Variants in MAD1L1 observed in about 807,000 individuals in gnomAD.
The protein encoded by MAD1L1 is mitotic spindle assembly checkpoint protein MAD1.
A neutral mutation model predicts 96.9 loss-of-function variants in MAD1L1; 95 were observed. The ratio of observed to expected loss-of-function variants is 0.98; its 90% CI spans 0.83 to 1.16. The LOEUF (loss-of-function observed/expected upper bound fraction) is 1.16. MAD1L1 is among the 50% of genes most tolerant of loss of function. MAD1L1 has a pLI of 0.00. For synonymous variants in MAD1L1, 473 were observed against 396.6 expected, an observed-to-expected ratio of 1.19 and a Z score of -2.29; for missense variants, 1,007 against 954.4, an observed-to-expected ratio of 1.06 and a Z score of -0.73.
chr7:2,129,874 T>A (rs1001321613), intron 11 of MAD1L1, among the ~76,000 whole-genome samples: 2 of 152,202 alleles, frequency 1.3e-5, no homozygotes, highest in Non-Finnish European at 2.9e-5. Context: ...GGCAGGCAGC[T>A]GGGTCAGCAG....
At chr7:2,137,156 A>T (rs1788792382) in intron 11 of MAD1L1, among the ~76,000 whole-genome samples, 1 of 152,208 alleles carries the variant, frequency 6.6e-6, no homozygotes, top group Admixed American at 6.5e-5. Flanking sequence ...ACAGAAGTTC[A>T]GGGCACCAAA....
chr7:2,143,795 G>T (rs1265352582), intron 11 of MAD1L1, among the ~76,000 whole-genome samples: 3 of 152,132 alleles, frequency 2.0e-5, no homozygotes, highest in Non-Finnish European at 2.9e-5. Context: ...TCACAGCCCA[G>T]GCTGGAATGC....
intron 16 of MAD1L1, among the ~76,000 whole-genome samples, chr7:1,942,853 G>C (rs746906669): frequency 1.2e-4 from 19 of 152,130 alleles, no homozygotes; most frequent in Non-Finnish European, 2.4e-4. Flanking sequence ...GAACACGGGA[G>C]GAAGACTCAG....
chr7:2,133,945 C>A (rs766354146), intron 11 of MAD1L1, among the ~76,000 whole-genome samples: 2 of 152,194 alleles, frequency 1.3e-5, no homozygotes, highest in African/African-American at 2.4e-5. Flanking sequence ...TGTGGTTTTA[C>A]GCTAAGTCTT....
chr7:1,881,705 A>G (rs1367284185), intron 18 of MAD1L1, among the ~76,000 whole-genome samples: 1 of 152,222 alleles, frequency 6.6e-6, no homozygotes, highest in Non-Finnish European at 1.5e-5. Flanking sequence ...CAGGAAACAA[A>G]ACGATCTGTC....
intron 12 of MAD1L1, among the ~76,000 whole-genome samples, chr7:2,058,797 C>T (rs576990847): frequency 1.0e-5 from 1 of 97,466 alleles, no homozygotes; most frequent in Admixed American, 1.1e-4. Context: ...AGAGGAGAGG[C>T]GCGGGGCTGG....
intron 18 of MAD1L1, among the ~76,000 whole-genome samples, chr7:1,822,416 G>A: frequency 7.0e-6 from 1 of 141,868 alleles, no homozygotes; most frequent in Non-Finnish European, 1.5e-5. Flanking sequence ...GGTAATTGCT[G>A]TCCAAACCTC....
intron 18 of MAD1L1, among the ~76,000 whole-genome samples, chr7:1,896,957 C>T (rs753560356): frequency 1.3e-5 from 2 of 152,302 alleles, no homozygotes; most frequent in African/African-American, 2.4e-5. Flanking sequence ...TATACAAAAG[C>T]GAAGAAGTAC....
At chr7:1,940,964 G>GCATGCCTCACCCTCCTCTTCCTCTCC (rs1778941465) in intron 16 of MAD1L1, among the ~76,000 whole-genome samples, 2 of 64,324 alleles carry the variant, frequency 3.1e-5, no homozygotes, top group African/African-American at 6.0e-5. Context: ...TCCTCCCCCC[G>GCATGCCTCACCCTCCTCTTCCTCTCC]CAGGCCTCAC....
chr7:2,180,954 C>T lies in MAD1L1; in HGVS notation c.987-31716G>A, dbSNP rs756995576. On this transcript the variant is annotated intron_variant, in intron 10 of 18. Coordinates refer to ENST00000265854, the MANE Select transcript of MAD1L1 (RefSeq NM_001013836.2). ...ATGCTGAACAGAAGTGGAGAAAGCA[C>T]GTATCCTGTCTTCATTTTTCTTCTC... Among the ~76,000 whole-genome samples the T allele has an allele frequency of 3.3e-5, 5 of 152,160 alleles. No individual in the cohort carries two copies. In the East Asian group the frequency reaches 5.8e-4, roughly 18 times the overall value.
At chr7:2,168,428 G>A (rs1213794944) in intron 10 of MAD1L1, among the ~76,000 whole-genome samples, 2 of 152,230 alleles carry the variant, frequency 1.3e-5, no homozygotes, top group Non-Finnish European at 2.9e-5. Context: ...CTTTGAACTT[G>A]CTGAGCAATA....
intron 15 of MAD1L1, among the ~76,000 whole-genome samples, chr7:1,971,493 TTATAA>T (rs1780404486): frequency 6.6e-6 from 1 of 152,180 alleles, no homozygotes; most frequent in South Asian, 2.1e-4. Context: ...AGTGTTTATG[TTATAA>T]TATATAGTGG....
At chr7:2,112,567 C>T (rs1204962246) in intron 11 of MAD1L1, among the ~76,000 whole-genome samples, 2 of 152,230 alleles carry the variant, frequency 1.3e-5, no homozygotes, top group East Asian at 1.9e-4. Flanking sequence ...CACGTGAGGA[C>T]TGGATGGGTA....
chr7:1,977,425 G>A (rs1780697043), intron 15 of MAD1L1, among the ~76,000 whole-genome samples: 1 of 152,206 alleles, frequency 6.6e-6, no homozygotes. Context: ...GGCCCGCCAA[G>A]CCCACGCCCA....
intron 17 of MAD1L1, among the ~76,000 whole-genome samples, chr7:1,920,903 C>T (rs1273576323): frequency 6.7e-6 from 1 of 148,390 alleles, no homozygotes; most frequent in Non-Finnish European, 1.5e-5. Context: ...AAAAGATTCA[C>T]GGGACATCCG....
chr7:2,189,414 G>A (rs912594110), intron 10 of MAD1L1, among the ~76,000 whole-genome samples: 1 of 152,212 alleles, frequency 6.6e-6, no homozygotes, highest in Admixed American at 6.5e-5. Flanking sequence ...CAGGTGACTG[G>A]ATAAGAAGAA....
intron 18 of MAD1L1, among the ~76,000 whole-genome samples, chr7:1,873,768 A>AGC (rs113161881): frequency 0.024 from 3,602 of 152,216 alleles, 57 homozygotes; most frequent in East Asian, 0.084. Flanking sequence ...CCGAAGCCCA[A>AGC]GCTGGCCCTG....
At chr7:1,995,238 C>T (rs1002251798) in intron 14 of MAD1L1, among the ~76,000 whole-genome samples, 2 of 152,204 alleles carry the variant, frequency 1.3e-5, no homozygotes, top group African/African-American at 4.8e-5. Flanking sequence ...GGGGCACGCA[C>T]TGAGGATGAG....
At chr7:1,862,895 C>T (rs117324428) in intron 18 of MAD1L1, among the ~76,000 whole-genome samples, 1,812 of 152,350 alleles carry the variant, frequency 0.012, 25 homozygotes, top group South Asian at 0.031. Flanking sequence ...ACTTGCCGGC[C>T]GTAGAAAGGG....
Sources: gnomAD v4.1 joint callset for allele counts (sites outside exome capture counted in the v4.1 genomes callset) on GRCh38, gnomAD v4.1.1 for gene constraint, MANE v1.5 for transcripts, NCBI Gene and HGNC (gene_info 2026-07-23, HGNC 2026-07-21) for gene names.